Variants in RAPGEF2 observed in about 807,000 individuals in gnomAD.
The protein encoded by RAPGEF2 is Rap guanine nucleotide exchange factor 2, also known as PDZ domain containing guanine nucleotide exchange factor (GEF) 1.
Under a neutral mutation model 186.7 loss-of-function variants are expected in RAPGEF2, and 54 were observed. The observed-to-expected ratio is 0.29, with a 90% CI of 0.23 to 0.36. The LOEUF (loss-of-function observed/expected upper bound fraction) is 0.36, where lower values mean the gene tolerates loss of function less well. Ranked by LOEUF, RAPGEF2 falls within the 10% of genes least tolerant of loss-of-function variation. The probability of loss-of-function intolerance (pLI) is 1.00; values close to 1 mark genes in which losing one functional copy is unlikely to be tolerated. For missense variants in RAPGEF2, 1,532 were observed against 2,045.0 expected (o/e 0.75, Z 4.84); for synonymous variants, 712 against 705.9 (o/e 1.01, Z -0.14).
intron 24 of RAPGEF2, among the ~76,000 whole-genome samples, chr4:159,345,866 T>C (rs1271786997): frequency 6.6e-6 from 1 of 152,012 alleles, no homozygotes; most frequent in Non-Finnish European, 1.5e-5. Flanking sequence ...TTTTTTTTTC[T>C]AAATCTGCAT....
rs1392803622 is a variant in RAPGEF2, at chr4:159,353,791, A to C, written c.4396A>C (p.Thr1466Pro). The change falls in exon 28 of 30, where the codon ACA becomes CCA. Residue 1466 changes from threonine to proline, a missense_variant. Around this residue, in one of 4 missense-constraint regions of RAPGEF2, gnomAD observed 594 missense variants for 608.5 expected, o/e 0.98. Transcript: ENST00000691494. This position sits in a 1 kb window ranked among gnomAD's most constrained non-coding sequence, Gnocchi z 4.3. ...MDQIMFSDHS[T>P]KYNRQNQSRE... ...CCAAATTATGTTTTCTGATCATAGC[A>C]CAAAGTATAACAGGCAAAATCAAAG... 2 of 1,614,220 alleles carry C rather than the reference A, an allele frequency of 1.2e-6. No individual in the cohort carries two copies. The highest frequency in any genetic ancestry group is 2.2e-5 in the South Asian group (2 of 91,090).
chr4:159,139,586 AT>A (rs1742092526), intron 1 of RAPGEF2, among the ~76,000 whole-genome samples: 2 of 152,080 alleles, frequency 1.3e-5, no homozygotes, highest in Non-Finnish European at 1.5e-5. Context: ...AAAAAAAAAA[AT>A]GTAGCACTTT....
intron 7 of RAPGEF2, among the ~76,000 whole-genome samples, chr4:159,248,154 AG>A (rs1183314025): frequency 3.3e-5 from 5 of 152,200 alleles, no homozygotes; most frequent in African/African-American, 1.2e-4. Flanking sequence ...CTATTCCAAT[AG>A]TGTTTAATGA....
At chr4:159,132,826 T>C (rs1741256982) in intron 1 of RAPGEF2, among the ~76,000 whole-genome samples, 2 of 151,974 alleles carry the variant, frequency 1.3e-5, no homozygotes, top group Middle Eastern at 3.4e-3. Flanking sequence ...GTTTTTAGTG[T>C]TCTAGAAATG....
intron 7 of RAPGEF2, among the ~76,000 whole-genome samples, chr4:159,281,690 AGAAAAG>A (rs1340954934): frequency 2.0e-5 from 3 of 147,192 alleles, no homozygotes; most frequent in Non-Finnish European, 4.5e-5. Context: ...AAAAAAAAAA[AGAAAAG>A]GAAAAGGAAA....
At chr4:159,275,218 T>A (rs573228788) in intron 7 of RAPGEF2, among the ~76,000 whole-genome samples, 5 of 152,262 alleles carry the variant, frequency 3.3e-5, no homozygotes, top group African/African-American at 9.6e-5. Context: ...ATGCCCCATA[T>A]GCTTCAGATC....
In RAPGEF2 at chr4:159,104,287, C is replaced by T. The variant is rs1271105345; in HGVS notation, c.69+56C>T. The T allele has an allele frequency of 2.1e-5, 19 of 891,500 alleles. No individual in the cohort carries two copies. The African/African-American group carries it at 2.8e-4, about 13-fold the overall frequency. 55.2% of individuals were successfully genotyped at this position (891,500 alleles called of 1,614,324 possible). A position where few individuals can be genotyped will look rare whatever the true frequency, so the allele number is the denominator to read the frequency against. Reference sequence around the variant, plus strand: ...CGGATTTCTGCCTCGCAGGCTGCGTCTTCCCCTGTCCCCCCACCTCCTTCC... The same window carrying T: ...CGGATTTCTGCCTCGCAGGCTGCGTTTTCCCCTGTCCCCCCACCTCCTTCC... On this transcript the variant is annotated intron_variant, in intron 1 of 29. Transcript: ENST00000691494.
At chr4:159,351,789 CA>C (rs145718172) in intron 26 of RAPGEF2, among the ~76,000 whole-genome samples, 123 of 141,102 alleles carry the variant, frequency 8.7e-4, no homozygotes, top group Admixed American at 8.5e-4. Context: ...AGTAAAAATA[CA>C]AAAAAAAAAA....
intron 3 of RAPGEF2, among the ~76,000 whole-genome samples, chr4:159,205,933 CTT>C (rs753271034): frequency 1.4e-5 from 2 of 145,694 alleles, no homozygotes. Flanking sequence ...TGGGCAGGAT[CTT>C]TTTTTTTTTT....
chr4:159,285,108 T>C (rs1359384267), intron 7 of RAPGEF2, among the ~76,000 whole-genome samples: 1 of 152,206 alleles, frequency 6.6e-6, no homozygotes, highest in African/African-American at 2.4e-5. Context: ...CTATTACTTT[T>C]TTTATGTTCC....
intron 4 of RAPGEF2, among the ~76,000 whole-genome samples, chr4:159,219,123 G>C (rs1751262509): frequency 6.6e-6 from 1 of 152,110 alleles, no homozygotes; most frequent in South Asian, 2.1e-4. Context: ...TCTAGGACTT[G>C]ACTCTGTTCC....
At position 159,323,614 on chromosome 4, in the gene RAPGEF2, C is replaced by A; in HGVS notation, c.1146C>A (p.Cys382Ter). ...KGVMRTKVDD[C>*]QFVCIAQQDY... ...TGATGAGAACAAAGGTGGATGACTG[C>A]CAGGTATAAAATATATCATTAAAAA... is the stretch of plus-strand genomic sequence containing the variant. Residue 382 changes from cysteine to a stop codon, truncating the protein, a stop_gained, in exon 11 of 30, where the codon TGC (cysteine) becomes TGA (stop). Transcript: ENST00000691494. LOFTEE classifies it high-confidence loss of function. 1 of 1,550,084 alleles carries A rather than the reference C, an allele frequency of 6.5e-7. No homozygotes were observed. The highest frequency in any genetic ancestry group is 8.7e-7 in the Non-Finnish European group (1 of 1,146,558).
At chr4:159,119,953 A>C (rs773790252) in intron 1 of RAPGEF2, among the ~76,000 whole-genome samples, 1 of 152,182 alleles carries the variant, frequency 6.6e-6, no homozygotes, top group Non-Finnish European at 1.5e-5. Flanking sequence ...TACTTGTAGT[A>C]ATACTTTGTC....
chr4:159,310,277 A>G (rs1029359116), intron 8 of RAPGEF2, among the ~76,000 whole-genome samples: 14 of 152,230 alleles, frequency 9.2e-5, no homozygotes, highest in African/African-American at 3.4e-4. Flanking sequence ...ATTTTTATAT[A>G]CTCCTCGTAG....
intron 1 of RAPGEF2, among the ~76,000 whole-genome samples, chr4:159,120,747 C>T (rs764169663): frequency 6.6e-6 from 1 of 152,154 alleles, no homozygotes; most frequent in African/African-American, 2.4e-5. Context: ...AGTTAGGACT[C>T]GGTTTTTCTT....
At chr4:159,314,982 A>T (rs1238880472) in intron 9 of RAPGEF2, among the ~76,000 whole-genome samples, 2 of 152,188 alleles carry the variant, frequency 1.3e-5, no homozygotes, top group East Asian at 3.8e-4. Flanking sequence ...AATGTGAATG[A>T]AACTTCTTAG....
intron 7 of RAPGEF2, among the ~76,000 whole-genome samples, chr4:159,284,772 C>T (rs1461079804): frequency 1.3e-5 from 2 of 152,184 alleles, no homozygotes; most frequent in Non-Finnish European, 2.9e-5. Flanking sequence ...ACTCTTCTAC[C>T]TGGGTGCGGT....
intron 9 of RAPGEF2, among the ~76,000 whole-genome samples, chr4:159,321,204 C>CTT (rs33926132): frequency 2.1e-5 from 3 of 140,188 alleles, no homozygotes; most frequent in Admixed American, 1.4e-4. Context: ...GTCACTGCCA[C>CTT]TTTTTTTTTT....
chr4:159,198,783 T>C (rs1397967869), intron 3 of RAPGEF2, among the ~76,000 whole-genome samples: 2 of 152,082 alleles, frequency 1.3e-5, no homozygotes, highest in Non-Finnish European at 2.9e-5. Context: ...ACCACCGTTT[T>C]GAAGTATTTT....
Sources: gnomAD v4.1 joint callset for allele counts (sites outside exome capture counted in the v4.1 genomes callset) on GRCh38, gnomAD v4.1.1 for gene constraint, gnomAD v4.1.1 regional missense constraint, Gnocchi (gnomAD v3.1) non-coding constraint, MANE v1.5 for transcripts, NCBI Gene and HGNC (gene_info 2026-07-23, HGNC 2026-07-21) for gene names.